SNTG1: variants seen among roughly 807,000 people sequenced by gnomAD.
SNTG1 encodes the protein syntrophin gamma 1, also known as gamma-1-syntrophin.
Under a neutral mutation model 74.7 loss-of-function variants are expected in SNTG1, and 39 were observed. The ratio of observed to expected loss-of-function variants is 0.52; its 90% CI spans 0.40 to 0.68. The LOEUF (loss-of-function observed/expected upper bound fraction) is 0.68, where lower values mean the gene tolerates loss of function less well. Ranked by LOEUF, SNTG1 falls within the 30% of genes least tolerant of loss-of-function variation. The probability of loss-of-function intolerance (pLI) is 0.00; values close to 1 mark genes in which losing one functional copy is unlikely to be tolerated. For missense variants in SNTG1, 685 were observed against 609.5 expected (o/e 1.12, Z -1.30); for synonymous variants, 254 against 217.1 (o/e 1.17, Z -1.49).
At position 50,522,056 on chromosome 8, in the gene SNTG1, A is replaced by G. The variant is rs143913486; in HGVS notation, c.467-8121A>G. 1.8e-3 allele frequency among the ~76,000 whole-genome samples: 280 copies of G among 152,244 alleles called. 2 individuals are homozygous for G. The highest frequency in any genetic ancestry group is 6.2e-3 in the African/African-American group (258 of 41,534). On this transcript the variant is annotated intron_variant, in intron 9 of 18. Transcript: ENST00000642720. Reference sequence around the variant, plus strand: ...GAGAATCATTTCCAGAAGGTTTTCAATTGATTTTGCCCAGGTCCATCAGAG... The same window carrying G: ...GAGAATCATTTCCAGAAGGTTTTCAGTTGATTTTGCCCAGGTCCATCAGAG...
chr8:50,686,349 C>T (rs1353084290), intron 15 of SNTG1, among the ~76,000 whole-genome samples: 2 of 152,244 alleles, frequency 1.3e-5, no homozygotes, highest in South Asian at 4.1e-4. Context: ...GGAAACTTAT[C>T]AATGTGTTTG....
intron 17 of SNTG1, among the ~76,000 whole-genome samples, chr8:50,719,989 G>A (rs971953673): frequency 6.6e-6 from 1 of 152,098 alleles, no homozygotes; most frequent in Non-Finnish European, 1.5e-5. Flanking sequence ...AATAAATTTA[G>A]ATGAAATACA....
At chr8:50,620,339 C>T (rs1237219849) in intron 13 of SNTG1, among the ~76,000 whole-genome samples, 2 of 152,132 alleles carry the variant, frequency 1.3e-5, no homozygotes, top group East Asian at 1.9e-4. Flanking sequence ...TTTCCTCTCC[C>T]GCTGTGAAGG....
intron 5 of SNTG1, among the ~76,000 whole-genome samples, chr8:50,440,480 T>G (rs905660332): frequency 1.1e-4 from 17 of 152,296 alleles, no homozygotes; most frequent in Admixed American, 2.6e-4. Flanking sequence ...TAAACTACTG[T>G]GTTTATTTGT....
chr8:50,125,602 T>C (rs975442278), intron 1 of SNTG1, among the ~76,000 whole-genome samples: 1 of 141,872 alleles, frequency 7.0e-6, no homozygotes. Flanking sequence ...TTGTAATAAA[T>C]ACTCTACTAC....
At position 50,553,193 on chromosome 8, in the gene SNTG1, C is replaced by T; in HGVS notation, c.810+14C>T. On this transcript the variant is annotated intron_variant, in intron 12 of 18. Coordinates refer to ENST00000642720, the MANE Select transcript of SNTG1 (RefSeq NM_018967.5). Reference sequence around the variant, plus strand: ...ACAAAGCACAATGTAAGTAATGATTCAAGGAATACCTAGCCAGGGTTTCTC... The same window carrying T: ...ACAAAGCACAATGTAAGTAATGATTTAAGGAATACCTAGCCAGGGTTTCTC... 6.2e-7 allele frequency: 1 copy of T among 1,613,372 alleles called. No individual in the cohort carries two copies. The highest frequency in any genetic ancestry group is 1.1e-5 in the South Asian group (1 of 91,056).
intron 10 of SNTG1, 43 bp downstream of exon 10, chr8:50,530,302 A>T (rs1391648505): frequency 1.3e-6 from 2 of 1,572,004 alleles, no homozygotes; most frequent in South Asian, 1.1e-5. Context: ...AGGAGATAAC[A>T]CATAGCTTAT....
chr8:50,326,046 G>T (rs2090733990), intron 2 of SNTG1, among the ~76,000 whole-genome samples: 1 of 152,052 alleles, frequency 6.6e-6, no homozygotes, highest in Middle Eastern at 3.4e-3. Context: ...ATTTTAAAAT[G>T]ATGAAACAGC....
At chr8:50,133,671 C>T (rs763382400) in intron 1 of SNTG1, among the ~76,000 whole-genome samples, 41 of 152,278 alleles carry the variant, frequency 2.7e-4, no homozygotes, top group Middle Eastern at 3.4e-3. Context: ...AAGCTTACAG[C>T]TGTGTCACCC....
intron 17 of SNTG1, among the ~76,000 whole-genome samples, chr8:50,747,029 T>C (rs531838150): frequency 6.6e-6 from 1 of 151,790 alleles, no homozygotes; most frequent in East Asian, 2.0e-4. Context: ...TATCTAAATA[T>C]GCTATTGTGA....
intron 18 of SNTG1, among the ~76,000 whole-genome samples, chr8:50,763,897 ACACACAC>A (rs2095606559): frequency 3.4e-5 from 4 of 117,002 alleles, no homozygotes; most frequent in African/African-American, 1.1e-4. Flanking sequence ...ACACACACAC[ACACACAC>A]ACAAAAATAA....
intron 2 of SNTG1, among the ~76,000 whole-genome samples, chr8:50,247,843 C>G (rs2086469649): frequency 6.6e-6 from 1 of 152,100 alleles, no homozygotes; most frequent in South Asian, 2.1e-4. Flanking sequence ...TTTCATAATA[C>G]TAATTTTCCA....
intron 2 of SNTG1, among the ~76,000 whole-genome samples, chr8:50,263,852 G>A (rs576421687): frequency 6.6e-6 from 1 of 152,148 alleles, no homozygotes; most frequent in South Asian, 2.1e-4. Flanking sequence ...CAACAGACAT[G>A]TGTAGAACAC....
At chr8:50,058,425 T>A (rs967066691) in intron 1 of SNTG1, among the ~76,000 whole-genome samples, 1 of 152,078 alleles carries the variant, frequency 6.6e-6, no homozygotes, top group Non-Finnish European at 1.5e-5. Flanking sequence ...CTATTTCCTA[T>A]AAGGAAGCTG....
At chr8:49,924,430 T>A (rs1318591838) in intron 1 of SNTG1, among the ~76,000 whole-genome samples, 1 of 152,172 alleles carries the variant, frequency 6.6e-6, no homozygotes. Flanking sequence ...GTACAAGTAT[T>A]ACTATGCCAC....
At chr8:50,496,039 G>A (rs2093901141) in intron 8 of SNTG1, among the ~76,000 whole-genome samples, 1 of 152,168 alleles carries the variant, frequency 6.6e-6, no homozygotes, top group Admixed American at 6.5e-5. Flanking sequence ...GTATTTTAGA[G>A]TGAACAGTAA....
At chr8:50,065,151 A>G (rs918842092) in intron 1 of SNTG1, among the ~76,000 whole-genome samples, 3 of 152,228 alleles carry the variant, frequency 2.0e-5, no homozygotes, top group African/African-American at 7.2e-5. Flanking sequence ...TCATGAGTCA[A>G]TAAAATAATC....
intron 12 of SNTG1, among the ~76,000 whole-genome samples, chr8:50,578,285 C>T (rs568316415): frequency 3.3e-5 from 5 of 152,338 alleles, no homozygotes; most frequent in African/African-American, 1.2e-4. Context: ...GGTACATGGG[C>T]ATAGCCTTTG....
chr8:50,599,711 A>T (rs1397153529), intron 13 of SNTG1, among the ~76,000 whole-genome samples: 1 of 152,044 alleles, frequency 6.6e-6, no homozygotes, highest in Non-Finnish European at 1.5e-5. Flanking sequence ...GAATTTGTTT[A>T]TCAGTTCTAA....
Sources: gnomAD v4.1 joint callset for allele counts (sites outside exome capture counted in the v4.1 genomes callset) on GRCh38, gnomAD v4.1.1 for gene constraint, MANE v1.5 for transcripts, NCBI Gene and HGNC (gene_info 2026-07-23, HGNC 2026-07-21) for gene names.